IQANK1: variants seen among roughly 807,000 people sequenced by gnomAD.
The protein encoded by IQANK1 is IQ motif and ankyrin repeat domain-containing protein 1.
In IQANK1, 30 loss-of-function variants were observed where a neutral mutation model predicts 22.6. The ratio of observed to expected loss-of-function variants is 1.33; its 90% CI spans 0.99 to 1.80. IQANK1 has a LOEUF of 1.80. Ranked by LOEUF, IQANK1 falls within the 40% of genes most tolerant of loss-of-function variation. The pLI is 0.00. For missense variants in IQANK1, 275 were observed against 235.2 expected, an observed-to-expected ratio of 1.17 and a Z score of -1.11; for synonymous variants, 122 against 99.6, an observed-to-expected ratio of 1.23 and a Z score of -1.34.
rs1295212006 is a variant in IQANK1 at position 143,735,372 on chromosome 8, G to C, written c.-4-478G>C. Among the ~76,000 whole-genome samples, 2 of 152,206 alleles carry C rather than the reference G, an allele frequency of 1.3e-5. No homozygotes were observed. The highest frequency in any genetic ancestry group is 2.9e-5 in the Non-Finnish European group (2 of 68,030). ...AGAGCCGGGACCACATAAGGTCTGA[G>C]GGTGTGGAGGGGTGAGTGCCTTGGG... On this transcript the variant is annotated intron_variant, in intron 1 of 13. Transcript: ENST00000527139. The surrounding 1 kb of genome is among the most constrained non-coding windows in gnomAD (Gnocchi z 5.2).
Position 143,735,124 on chromosome 8 carries a change from A to G in IQANK1, c.-4-726A>G, listed in dbSNP as rs569092752. On this transcript the variant is annotated intron_variant, in intron 1 of 13. Transcript: ENST00000527139. This position sits in a 1 kb window ranked among gnomAD's most constrained non-coding sequence, Gnocchi z 5.2. ...AGTTTCATTTGTTCTTTCCCCAAAC[A>G]CTCAGTGCCACCCCACTGGTACCAG... is the stretch of plus-strand genomic sequence containing the variant. 7.7e-4 allele frequency among the ~76,000 whole-genome samples: 117 copies of G among 152,244 alleles called. No individual in the cohort carries two copies. Among genetic ancestry groups the G allele is most frequent in the African/African-American group, 2.7e-3 (114 of 41,528 alleles).
In IQANK1 at chr8:143,771,408, G is replaced by A. The variant is rs1819569982; in HGVS notation, c.176-80G>A. The A allele has an allele frequency of 5.2e-6, 2 of 384,466 alleles. No individual in the cohort carries two copies. The allele number at this position is 384,466 out of a possible 1,614,324, so 23.8% of individuals were successfully genotyped here. A position where few individuals can be genotyped will look rare whatever the true frequency, so the allele number is the denominator to read the frequency against. On this transcript the variant is annotated intron_variant, in intron 3 of 13. Coordinates refer to ENST00000527139, the MANE Select transcript of IQANK1 (RefSeq NM_001381874.1). This position sits in a 1 kb window ranked among gnomAD's most constrained non-coding sequence, Gnocchi z 6.0. ...CTTCTGTCGGGGCGGGGGCGGGGGC[G>A]GGGCCGGCTCCACTCCCAGGGGCGC...
In IQANK1 at chr8:143,774,784, T is replaced by G. The variant is rs2129918235; in HGVS notation, c.789+2302T>G. 6.6e-6 allele frequency among the ~76,000 whole-genome samples: 1 copy of G among 152,344 alleles called. No individual in the cohort carries two copies. The highest frequency in any genetic ancestry group is 1.9e-4 in the East Asian group (1 of 5,184). Reference sequence around the variant, plus strand: ...CCAGCAGGCGAGTGGCTCCACTAGCTTGGTGCATTCCTGCCACGAAACACG... The same window carrying G: ...CCAGCAGGCGAGTGGCTCCACTAGCGTGGTGCATTCCTGCCACGAAACACG... On this transcript the variant is annotated intron_variant, in intron 7 of 13. Coordinates refer to ENST00000527139, the MANE Select transcript of IQANK1 (RefSeq NM_001381874.1). This position sits in a 1 kb window ranked among gnomAD's most constrained non-coding sequence, Gnocchi z 4.2.
Position 143,774,459 on chromosome 8 carries a change from C to T in IQANK1, c.789+1977C>T, listed in dbSNP as rs1448653937. 6.6e-6 allele frequency among the ~76,000 whole-genome samples: 1 copy of T among 152,106 alleles called. No individual in the cohort carries two copies. The highest frequency in any genetic ancestry group is 1.5e-5 in the Non-Finnish European group (1 of 68,008). On this transcript the variant is annotated intron_variant, in intron 7 of 13. Coordinates refer to ENST00000527139, the MANE Select transcript of IQANK1 (RefSeq NM_001381874.1). The surrounding 1 kb of genome is among the most constrained non-coding windows in gnomAD (Gnocchi z 4.2). The stretch of plus-strand genomic sequence containing the variant: ...GAACACCCGAGGAGGTGTTGCACAC[C>T]ACCTCACACCTCCCAGGACAGCCCA...
In IQANK1 at chr8:143,738,001, C is replaced by A. The variant is rs367995663; in HGVS notation, c.86-1858C>A. 2.0e-5 allele frequency among the ~76,000 whole-genome samples: 3 copies of A among 152,350 alleles called. No homozygotes were observed. In the South Asian group the frequency reaches 6.2e-4, roughly 32 times the overall value. On this transcript the variant is annotated intron_variant, in intron 2 of 13. Coordinates refer to ENST00000527139, the MANE Select transcript of IQANK1 (RefSeq NM_001381874.1). ...GCTCAGACCCCGGAGCAGTGGCCGG[C>A]ACCGGTCTCGAGGCTGCCTGTGGCT...
At chr8:143,743,132 G>A (rs574768298) in intron 3 of IQANK1, 14 of 428,520 alleles carry the variant, frequency 3.3e-5, no homozygotes, top group Middle Eastern at 5.0e-4. Context: ...CCAGGCTGAC[G>A]TCGAGGAAAG....
chr8:143,735,593 C>T lies in IQANK1; in HGVS notation c.-4-257C>T, dbSNP rs979926558. On this transcript the variant is annotated intron_variant, in intron 1 of 13. Coordinates refer to ENST00000527139, the MANE Select transcript of IQANK1 (RefSeq NM_001381874.1). This position sits in a 1 kb window ranked among gnomAD's most constrained non-coding sequence, Gnocchi z 5.2. Reference sequence around the variant, plus strand: ...CCGGCAGGATGGGCTGAGCCTGGGGCGGAGGGGCAGGCAAGCCACGGCCAG... The same window carrying T: ...CCGGCAGGATGGGCTGAGCCTGGGGTGGAGGGGCAGGCAAGCCACGGCCAG... Among the ~76,000 whole-genome samples, 2 of 152,006 alleles carry T rather than the reference C, an allele frequency of 1.3e-5. No individual in the cohort carries two copies. The highest frequency in any genetic ancestry group is 2.4e-5 in the African/African-American group (1 of 41,374).
Position 143,747,207 on chromosome 8 carries a change from G to A in IQANK1, c.175+7259G>A, listed in dbSNP as rs571792833. Among the ~76,000 whole-genome samples, 6 of 152,266 alleles carry A rather than the reference G, an allele frequency of 3.9e-5. No homozygotes were observed. In the South Asian group the frequency reaches 1.2e-3, roughly 32 times the overall value. On this transcript the variant is annotated intron_variant, in intron 3 of 13. Coordinates refer to ENST00000527139, the MANE Select transcript of IQANK1 (RefSeq NM_001381874.1). ...ATTTTTTATTTCTATAGAATCAGTAGTAATGTTCCCACTTTTATTTCTGGT... is the reference window on the plus strand; with the variant it reads ...ATTTTTTATTTCTATAGAATCAGTAATAATGTTCCCACTTTTATTTCTGGT...
chr8:143,736,523 G>C, intron 2 of IQANK1, among the ~76,000 whole-genome samples: 1 of 152,132 alleles, frequency 6.6e-6, no homozygotes, highest in Admixed American at 6.5e-5. Flanking sequence ...GGAACACATG[G>C]AGGTGGGAAG....
Position 143,790,212 on chromosome 8 carries a change from G to A in IQANK1, c.1365G>A (p.Thr455=), listed in dbSNP as rs1229219276. The change falls in exon 13 of 14, where the codon ACG becomes ACA. Residue 455 remains threonine, a synonymous_variant. Transcript: ENST00000527139. ...LRYQDTNYVD[T]VNPEPLRPET... Reference sequence around the variant, plus strand: ...ACCAGGATACCAACTATGTGGACACGGTGAACCCGGAGCCCCTGAGGCCGG... The same window carrying A: ...ACCAGGATACCAACTATGTGGACACAGTGAACCCGGAGCCCCTGAGGCCGG... 1.5e-5 allele frequency: 18 copies of A among 1,232,036 alleles called. No homozygotes were observed. The highest frequency in any genetic ancestry group is 3.1e-4 in the Middle Eastern group (1 of 3,230). The allele number at this position is 1,232,036 out of a possible 1,614,324, so 76.3% of individuals were successfully genotyped here.
chr8:143,747,472 AATCTTATGTAT>A (rs1819053456), intron 3 of IQANK1, among the ~76,000 whole-genome samples: 1 of 151,970 alleles, frequency 6.6e-6, no homozygotes, highest in South Asian at 2.1e-4. Flanking sequence ...ATTGATTTGA[AATCTTATGTAT>A]TAGTTTCAGC....
chr8:143,787,554 C>G (rs1819915302), intron 7 of IQANK1, among the ~76,000 whole-genome samples: 1 of 152,188 alleles, frequency 6.6e-6, no homozygotes, highest in Non-Finnish European at 1.5e-5. Context: ...TGTCTCCCTC[C>G]CTCCCGTGCA....
chr8:143,749,590 T>A (rs1483827200), intron 3 of IQANK1, among the ~76,000 whole-genome samples: 25 of 141,908 alleles, frequency 1.8e-4, no homozygotes, highest in Admixed American at 1.4e-3. Context: ...ATATTTTATT[T>A]ATTTATTTAT....
intron 7 of IQANK1, among the ~76,000 whole-genome samples, chr8:143,783,699 C>A (rs1389720212): frequency 6.6e-6 from 1 of 152,174 alleles, no homozygotes; most frequent in African/African-American, 2.4e-5. Context: ...ACATCTTTCA[C>A]ATTTAGAGCC....
intron 3 of IQANK1, chr8:143,745,785 G>A (rs149875706): frequency 0.011 from 1,698 of 152,276 alleles, 10 homozygotes; most frequent in Non-Finnish European, 0.02. Context: ...AGGATGGAGT[G>A]CAGTGTTGTG....
chr8:143,757,165 C>T (rs536941615), intron 3 of IQANK1, among the ~76,000 whole-genome samples: 1 of 152,274 alleles, frequency 6.6e-6, no homozygotes, highest in Non-Finnish European at 1.5e-5. Context: ...GCATTGAATG[C>T]TGGTCTTAAC....
intron 7 of IQANK1, 67 bp from the exon 8 acceptor site, chr8:143,788,848 G>C: frequency 2.5e-6 from 1 of 398,868 alleles, no homozygotes. Context: ...GAGAGCAACA[G>C]TTCCTCTCCA....
chr8:143,759,713 T>G (rs1157448158), intron 3 of IQANK1: 1 of 152,234 alleles, frequency 6.6e-6, no homozygotes, highest in Non-Finnish European at 1.5e-5. Flanking sequence ...GTGGGGGCTG[T>G]GCTGGGGATC....
intron 3 of IQANK1, chr8:143,744,352 A>G (rs6983622): frequency 0.21 from 31,635 of 152,922 alleles, 3,685 homozygotes; most frequent in East Asian, 0.51. Flanking sequence ...AGGAGCAGCC[A>G]CAGCCCCAAG....
Sources: gnomAD v4.1 joint callset for allele counts (sites outside exome capture counted in the v4.1 genomes callset) on GRCh38, gnomAD v4.1.1 for gene constraint, Gnocchi (gnomAD v3.1) non-coding constraint, MANE v1.5 for transcripts, NCBI Gene and HGNC (gene_info 2026-07-23, HGNC 2026-07-21) for gene names.